TCF7L2: variants seen among roughly 807,000 people sequenced by gnomAD.
TCF7L2 encodes the protein transcription factor 7-like 2.
Under a neutral mutation model 77.9 loss-of-function variants are expected in TCF7L2, and 23 were observed. The observed-to-expected ratio is 0.30, with a 90% CI of 0.21 to 0.42. TCF7L2 has a LOEUF of 0.42. TCF7L2 is among the 10% of genes least tolerant of loss of function. The pLI is 1.00. For synonymous variants in TCF7L2, 413 were observed against 340.2 expected (o/e 1.21, Z -2.36); for missense variants, 654 against 793.1 (o/e 0.82, Z 2.11).
At chr10:113,131,876 A>G (rs2066654837) in intron 5 of TCF7L2, 1 of 152,226 alleles carries the variant, frequency 6.6e-6, no homozygotes, top group Non-Finnish European at 1.5e-5. Flanking sequence ...GGATTTTTGA[A>G]AAAATTCAAC....
At chr10:113,114,585 A>G (rs1465920423) in intron 5 of TCF7L2, among the ~76,000 whole-genome samples, 1 of 152,204 alleles carries the variant, frequency 6.6e-6, no homozygotes, top group East Asian at 1.9e-4. Context: ...CAAAATGAAG[A>G]TAAATTGAAT....
At chr10:113,149,666 G>T (rs554432339) in intron 8 of TCF7L2, among the ~76,000 whole-genome samples, 2 of 149,022 alleles carry the variant, frequency 1.3e-5, no homozygotes, top group South Asian at 4.2e-4. Context: ...TGTCGTGATC[G>T]ATCCTCATTA....
intron 4 of TCF7L2, among the ~76,000 whole-genome samples, chr10:112,976,319 A>G (rs1314770650): frequency 6.6e-6 from 1 of 152,274 alleles, no homozygotes; most frequent in Non-Finnish European, 1.5e-5. Context: ...TGTCAAGAGC[A>G]TCACACATGA....
chr10:113,079,531 T>G (rs987947339), intron 5 of TCF7L2, among the ~76,000 whole-genome samples: 5 of 152,204 alleles, frequency 3.3e-5, no homozygotes, highest in African/African-American at 1.2e-4. Flanking sequence ...TATGAAGATG[T>G]GTTTCACTTT....
At position 113,039,935 on chromosome 10, in the gene TCF7L2, C is replaced by T. The variant is rs527578523; in HGVS notation, c.451-90C>T. 7.0e-5 allele frequency: 78 copies of T among 1,109,710 alleles called. No homozygotes were observed. In the African/African-American group the frequency reaches 9.2e-4, roughly 13 times the overall value. The allele number at this position is 1,109,710 out of a possible 1,614,324, so 68.7% of individuals were successfully genotyped here. ...TGCTTGTATGTTTTTCAGTTTCTGA[C>T]CCATGTCACAGTTATTTCTTGGGCT... On this transcript the variant is annotated intron_variant, in intron 4 of 13. Transcript: ENST00000627217.
chr10:113,128,959 T>C (rs2066109716), intron 5 of TCF7L2, among the ~76,000 whole-genome samples: 1 of 152,052 alleles, frequency 6.6e-6, no homozygotes, highest in African/African-American at 2.4e-5. Context: ...CTCTCTTTCT[T>C]TCTCTCTCTG....
intron 4 of TCF7L2, among the ~76,000 whole-genome samples, chr10:113,018,030 G>A (rs2047633998): frequency 6.6e-6 from 1 of 152,214 alleles, no homozygotes; most frequent in Admixed American, 6.5e-5. Context: ...GGTCCCCACA[G>A]TGGAGATGGC....
chr10:113,142,643 C>A (rs1468966164), intron 6 of TCF7L2, among the ~76,000 whole-genome samples: 2 of 152,224 alleles, frequency 1.3e-5, no homozygotes, highest in Non-Finnish European at 2.9e-5. Flanking sequence ...CTGGGTTTTA[C>A]TGGTCTCTGA....
intron 5 of TCF7L2, chr10:113,089,487 G>C: frequency 6.2e-7 from 1 of 1,613,790 alleles, no homozygotes; most frequent in South Asian, 1.1e-5. Context: ...AGTCTTCAGG[G>C]ACATGAAAAG....
At chr10:113,152,003 C>T in intron 10 of TCF7L2, 119 bp downstream of exon 10, 1 of 1,390,756 alleles carries the variant, frequency 7.2e-7, no homozygotes, top group South Asian at 1.4e-5. Flanking sequence ...GCCCTTCAGC[C>T]ACATTCTGAA....
At chr10:112,963,001 G>GA (rs1338011092) in intron 3 of TCF7L2, among the ~76,000 whole-genome samples, 1 of 152,152 alleles carries the variant, frequency 6.6e-6, no homozygotes, top group Non-Finnish European at 1.5e-5. Context: ...ACTCTCCTTT[G>GA]ACAGGTATAG....
chr10:112,956,367 T>TTTTTTTTTTTTTTTTA (rs753759334), intron 3 of TCF7L2, among the ~76,000 whole-genome samples: 1 of 111,986 alleles, frequency 8.9e-6, no homozygotes, highest in Non-Finnish European at 1.9e-5. Context: ...TTTTTTTTTT[T>TTTTTTTTTTTTTTTTA]AAATGCTGGA....
chr10:113,091,990 A>C (rs2060454086), intron 5 of TCF7L2, among the ~76,000 whole-genome samples: 1 of 152,222 alleles, frequency 6.6e-6, no homozygotes, highest in Non-Finnish European at 1.5e-5. Flanking sequence ...ATTTATGATA[A>C]GATGATATGA....
rs561522306 is a variant in TCF7L2, at chr10:113,160,299, C to T, written c.1319-320C>T. Reference sequence around the variant, plus strand: ...TCCCTTCCTTGTGACAGCCCAGGATCGGAATCCTGGCCTAGGTAGAAGCAA... The same window carrying T: ...TCCCTTCCTTGTGACAGCCCAGGATTGGAATCCTGGCCTAGGTAGAAGCAA... On this transcript the variant is annotated intron_variant, in intron 12 of 13. Coordinates refer to ENST00000627217, the MANE Select transcript of TCF7L2 (RefSeq NM_001146274.2). Among the ~76,000 whole-genome samples the T allele has an allele frequency of 1.7e-3, 264 of 152,124 alleles. 1 individual carries two copies. Among genetic ancestry groups the T allele is most frequent in the African/African-American group, 5.9e-3 (243 of 41,504 alleles).
intron 4 of TCF7L2, among the ~76,000 whole-genome samples, chr10:112,968,367 A>T (rs1003926998): frequency 5.3e-5 from 8 of 152,152 alleles, no homozygotes; most frequent in Admixed American, 5.2e-4. Flanking sequence ...GAAGACCTTT[A>T]TGATGATCCA....
chr10:112,956,513 T>C, intron 3 of TCF7L2, among the ~76,000 whole-genome samples: 1 of 152,126 alleles, frequency 6.6e-6, no homozygotes, highest in Non-Finnish European at 1.5e-5. Flanking sequence ...AAAAGGAGGC[T>C]GAACCAAATT....
intron 8 of TCF7L2, among the ~76,000 whole-genome samples, chr10:113,147,689 T>TCTTCCCAC (rs1265420774): frequency 6.6e-6 from 1 of 152,196 alleles, no homozygotes; most frequent in Non-Finnish European, 1.5e-5. Context: ...CCACAGCTCA[T>TCTTCCCAC]CTTCCCACCT....
chr10:112,960,382 G>A (rs189924103), intron 3 of TCF7L2, among the ~76,000 whole-genome samples: 1 of 152,274 alleles, frequency 6.6e-6, no homozygotes, highest in African/African-American at 2.4e-5. Context: ...GAGAACTGCC[G>A]AGTCTTCACC....
chr10:113,160,123 C>T (rs777251779), intron 12 of TCF7L2, 131 bp downstream of exon 14: 10 of 769,878 alleles, frequency 1.3e-5, no homozygotes, highest in African/African-American at 3.5e-5. Flanking sequence ...GGGACACTGC[C>T]AAGTGTATGG....
Sources: gnomAD v4.1 joint callset for allele counts (sites outside exome capture counted in the v4.1 genomes callset) on GRCh38, gnomAD v4.1.1 for gene constraint, MANE v1.5 for transcripts, NCBI Gene and HGNC (gene_info 2026-07-23, HGNC 2026-07-21) for gene names.